AIF1L: variants seen among roughly 807,000 people sequenced by gnomAD.
The protein encoded by AIF1L is allograft inflammatory factor 1-like.
AIF1L carries 12 observed loss-of-function variants against 20.7 expected under a neutral mutation model. That is an observed-to-expected ratio of 0.58 (90% confidence interval 0.37 to 0.94). AIF1L has a LOEUF of 0.94. AIF1L is among the 40% of genes least tolerant of loss of function. The pLI is 0.01. For missense variants in AIF1L, 173 were observed against 185.3 expected, an observed-to-expected ratio of 0.93 and a Z score of 0.39; for synonymous variants, 76 against 65.1, an observed-to-expected ratio of 1.17 and a Z score of -0.81.
intron 5 of AIF1L, among the ~76,000 whole-genome samples, chr9:131,118,535 G>C (rs538211780): frequency 6.6e-6 from 1 of 151,118 alleles, no homozygotes; most frequent in Non-Finnish European, 1.5e-5. Flanking sequence ...GAAACTTTCC[G>C]AGCCTTAGTT....
intron 3 of AIF1L, among the ~76,000 whole-genome samples, chr9:131,112,899 C>T (rs1440346451): frequency 1.3e-5 from 2 of 152,076 alleles, no homozygotes; most frequent in Admixed American, 1.3e-4. Context: ...GCTCTGGCAC[C>T]CTTTCTACTT....
intron 2 of AIF1L, chr9:131,106,110 C>T (rs1830741075): frequency 1.4e-6 from 2 of 1,467,208 alleles, no homozygotes; most frequent in Non-Finnish European, 1.8e-6. Context: ...CTACGATATG[C>T]TGGGCACTTC....
At chr9:131,117,724 T>A (rs201596099) in intron 4 of AIF1L, 32 bp from the exon 5 acceptor site, 1 of 1,560,698 alleles carries the variant, frequency 6.4e-7, no homozygotes, top group Non-Finnish European at 8.7e-7. Context: ...GCAGCCCATC[T>A]CCACTTAACA....
At chr9:131,101,827 A>G (rs1337301187) in intron 2 of AIF1L, among the ~76,000 whole-genome samples, 1 of 152,138 alleles carries the variant, frequency 6.6e-6, no homozygotes, top group Non-Finnish European at 1.5e-5. Flanking sequence ...ATCTCTGGCT[A>G]CTGTCCCAAT....
At chr9:131,098,600 G>A (rs1196407910) in intron 2 of AIF1L, among the ~76,000 whole-genome samples, 1 of 152,158 alleles carries the variant, frequency 6.6e-6, no homozygotes, top group African/African-American at 2.4e-5. Flanking sequence ...CTAAGAGGGC[G>A]GGGCCAACCT....
intron 5 of AIF1L, 98 bp from the exon 6 acceptor site, chr9:131,120,137 C>A: frequency 8.7e-7 from 1 of 1,145,208 alleles, no homozygotes; most frequent in South Asian, 1.5e-5. Context: ...CTGTTGAGGA[C>A]CCTGCTGACA....
intron 2 of AIF1L, among the ~76,000 whole-genome samples, chr9:131,105,118 C>T (rs1436680940): frequency 1.3e-5 from 2 of 152,130 alleles, no homozygotes; most frequent in Non-Finnish European, 2.9e-5. Context: ...AGGATGCCTG[C>T]AGGGAGGGAG....
At chr9:131,108,779 T>A (rs1830808349) in intron 2 of AIF1L, among the ~76,000 whole-genome samples, 1 of 152,218 alleles carries the variant, frequency 6.6e-6, no homozygotes, top group African/African-American at 2.4e-5. Flanking sequence ...ATACTCATAA[T>A]CTTATCTGTT....
intron 3 of AIF1L, chr9:131,111,919 C>T: frequency 1.9e-6 from 1 of 521,334 alleles, no homozygotes; most frequent in Non-Finnish European, 3.5e-6. Flanking sequence ...CCTCTCTCTC[C>T]CCTCACTGCC....
intron 2 of AIF1L, among the ~76,000 whole-genome samples, chr9:131,106,519 A>G (rs1266878746): frequency 1.3e-5 from 2 of 152,126 alleles, no homozygotes; most frequent in South Asian, 2.1e-4. Context: ...ATGGTGGCTC[A>G]CACCTATAAT....
chr9:131,109,981 G>T (rs755155298), intron 2 of AIF1L, among the ~76,000 whole-genome samples: 3 of 152,226 alleles, frequency 2.0e-5, no homozygotes, highest in Non-Finnish European at 2.9e-5. Context: ...AGGCCGAGGC[G>T]GGCAGATCAC....
intron 2 of AIF1L, among the ~76,000 whole-genome samples, chr9:131,104,043 G>A (rs1830691481): frequency 6.6e-6 from 1 of 152,156 alleles, no homozygotes; most frequent in Admixed American, 6.5e-5. Flanking sequence ...CACCTCCCAG[G>A]CCCCAGCCTT....
chr9:131,122,073 T>TAGGA lies in AIF1L; in HGVS notation c.*1755_*1758dup, dbSNP rs1831150434. 6.6e-6 allele frequency: 1 copy of TAGGA among 152,112 alleles called. No individual in the cohort carries two copies. The highest frequency in any genetic ancestry group is 6.5e-5 in the Admixed American group (1 of 15,280). 9.4% of individuals were successfully genotyped at this position (152,112 alleles called of 1,614,324 possible). A position where few individuals can be genotyped will look rare whatever the true frequency, so the allele number is the denominator to read the frequency against. On this transcript the variant is annotated 3_prime_UTR_variant, in exon 6 of 6. Transcript: ENST00000247291. Reference sequence around the variant, plus strand: ...CAGACAATGACAATGAGATAAATGTTAGGAAGGGGGAGGTATGGGGTGACT... The same window carrying TAGGA: ...CAGACAATGACAATGAGATAAATGTTAGGAAGGAAGGGGGAGGTATGGGGTGACT...
At chr9:131,111,248 C>T (rs1325970995) in intron 2 of AIF1L, among the ~76,000 whole-genome samples, 1 of 151,616 alleles carries the variant, frequency 6.6e-6, no homozygotes, top group Non-Finnish European at 1.5e-5. Flanking sequence ...AATGATGGAA[C>T]CAGGGGCTTG....
intron 4 of AIF1L, 94 bp downstream of exon 4, chr9:131,114,712 C>T (rs1040128535): frequency 1.3e-6 from 2 of 1,501,354 alleles, no homozygotes; most frequent in African/African-American, 2.8e-5. Flanking sequence ...ATGGGGCAGT[C>T]CGGAAGGCTG....
At chr9:131,102,500 C>T (rs761919641) in intron 2 of AIF1L, among the ~76,000 whole-genome samples, 11 of 152,200 alleles carry the variant, frequency 7.2e-5, no homozygotes, top group Non-Finnish European at 1.6e-4. Context: ...TAAGTGGCCA[C>T]GTGAGCCTCT....
At chr9:131,106,269 A>G in intron 2 of AIF1L, 1 of 1,522,254 alleles carries the variant, frequency 6.6e-7, no homozygotes, top group Non-Finnish European at 8.8e-7. Flanking sequence ...GTTTCAGGCA[A>G]GTTAGTTAAC....
chr9:131,114,602 C>T lies in AIF1L; in HGVS notation c.186C>T (p.Asn62=), dbSNP rs370556767. ...FKEKYMEFDL[N]NEGEIDLMSL... ...AGAAGTACATGGAGTTTGACCTGAACAATGAAGGCGAGATTGGTGAGTGAA... is the reference window on the plus strand; with the variant it reads ...AGAAGTACATGGAGTTTGACCTGAATAATGAAGGCGAGATTGGTGAGTGAA... The change falls in exon 4 of 6, where the codon AAC becomes AAT. Residue 62 remains asparagine, a synonymous_variant. Transcript: ENST00000247291. The T allele has an allele frequency of 5.8e-5, 93 of 1,614,008 alleles. 1 individual carries two copies. Among genetic ancestry groups the T allele is most frequent in the Non-Finnish European group, 7.8e-5 (92 of 1,179,988 alleles).
At chr9:131,111,924 A>C (rs1344499476) in intron 3 of AIF1L, 8 of 499,974 alleles carry the variant, frequency 1.6e-5, no homozygotes, top group Non-Finnish European at 2.5e-5. Flanking sequence ...CTCTCCCCTC[A>C]CTGCCCACGG....
Sources: gnomAD v4.1 joint callset for allele counts (sites outside exome capture counted in the v4.1 genomes callset) on GRCh38, gnomAD v4.1.1 for gene constraint, MANE v1.5 for transcripts, NCBI Gene and HGNC (gene_info 2026-07-23, HGNC 2026-07-21) for gene names.